Variants in STEAP1B observed in about 807,000 individuals in gnomAD.
The protein encoded by STEAP1B is STEAP family member 1B.
STEAP1B carries 13 observed loss-of-function variants against 27.9 expected under a neutral mutation model. The ratio of observed to expected loss-of-function variants is 0.47; its 90% CI spans 0.30 to 0.74. The LOEUF is 0.74. STEAP1B is among the 30% of genes least tolerant of loss of function. The probability of loss-of-function intolerance (pLI) is 0.06; values close to 1 mark genes in which losing one functional copy is unlikely to be tolerated. For missense variants in STEAP1B, 250 were observed against 298.7 expected, an observed-to-expected ratio of 0.84 and a Z score of 1.20; for synonymous variants, 86 against 107.1, an observed-to-expected ratio of 0.80 and a Z score of 1.22.
intron 4 of STEAP1B, among the ~76,000 whole-genome samples, chr7:22,439,843 C>A (rs924487224): frequency 6.6e-6 from 1 of 151,974 alleles, no homozygotes; most frequent in Admixed American, 6.6e-5. Context: ...TATCCAACCA[C>A]CCTCTACACC....
At chr7:22,450,063 G>A (rs1174307728) in intron 4 of STEAP1B, among the ~76,000 whole-genome samples, 1 of 152,066 alleles carries the variant, frequency 6.6e-6, no homozygotes, top group East Asian at 1.9e-4. Context: ...TAGGTAACTT[G>A]CAAATATTTT....
Position 22,496,189 on chromosome 7 carries a change from A to AG in STEAP1B, c.-31-1304_-31-1303insC, listed in dbSNP as rs1286822271. Among the ~76,000 whole-genome samples, 3 of 2,326 alleles carry AG rather than the reference A, an allele frequency of 1.3e-3. No homozygotes were observed. The African/African-American group carries it at 0.022, about 17-fold the overall frequency. The allele number at this position is 2,326 out of a possible 152,430, so 1.5% of individuals were successfully genotyped here. A position where few individuals can be genotyped will look rare whatever the true frequency, so the allele number is the denominator to read the frequency against. The stretch of plus-strand genomic sequence containing the variant: ...AGTTTCAACAAAAAAGTCTAAAAAG[A>AG]AAAAAAATTAGAAATAGAAAAAAAG... On this transcript the variant is annotated intron_variant, in intron 1 of 4. Transcript: ENST00000678116.
At chr7:22,486,692 C>A (rs1007055755) in intron 4 of STEAP1B, among the ~76,000 whole-genome samples, 1 of 152,110 alleles carries the variant, frequency 6.6e-6, no homozygotes, top group Non-Finnish European at 1.5e-5. Flanking sequence ...TCCTGCCCAC[C>A]TTTCACCCTG....
At chr7:22,449,904 G>A (rs898408070) in intron 4 of STEAP1B, among the ~76,000 whole-genome samples, 29 of 152,152 alleles carry the variant, frequency 1.9e-4, no homozygotes, top group Admixed American at 1.4e-3. Flanking sequence ...CAGTGATGTC[G>A]AGCACCTTTT....
chr7:22,498,420 A>G (rs191369835), intron 1 of STEAP1B, among the ~76,000 whole-genome samples: 58 of 152,330 alleles, frequency 3.8e-4, no homozygotes, highest in Admixed American at 1.2e-3. Flanking sequence ...TAGGAATGGA[A>G]GTGTCACCTA....
At chr7:22,472,331 C>T (rs1039256260) in intron 4 of STEAP1B, among the ~76,000 whole-genome samples, 1 of 152,152 alleles carries the variant, frequency 6.6e-6, no homozygotes, top group Non-Finnish European at 1.5e-5. Context: ...TGCACTTGTG[C>T]CTTAATCCCA....
At chr7:22,451,014 G>A (rs1446454550) in intron 4 of STEAP1B, among the ~76,000 whole-genome samples, 1 of 152,062 alleles carries the variant, frequency 6.6e-6, no homozygotes, top group Non-Finnish European at 1.5e-5. Flanking sequence ...GGCTAACATG[G>A]TGAAACCTTG....
At chr7:22,460,078 G>C (rs577785554) in intron 4 of STEAP1B, among the ~76,000 whole-genome samples, 2 of 152,090 alleles carry the variant, frequency 1.3e-5, no homozygotes, top group Non-Finnish European at 2.9e-5. Flanking sequence ...GGGAGGTCAA[G>C]GTGGGAGGAC....
chr7:22,438,506 T>A, intron 4 of STEAP1B: 7 of 1,550,544 alleles, frequency 4.5e-6, no homozygotes, highest in Non-Finnish European at 6.1e-6. Context: ...TGAAAGATGA[T>A]CAGCAATAAC....
intron 4 of STEAP1B, among the ~76,000 whole-genome samples, chr7:22,451,764 T>C (rs545604428): frequency 6.6e-6 from 1 of 152,264 alleles, no homozygotes; most frequent in Non-Finnish European, 1.5e-5. Context: ...ATTTTTCTAA[T>C]ATATTGTTGA....
At chr7:22,456,974 T>TATATATATATATA (rs1562573770) in intron 4 of STEAP1B, among the ~76,000 whole-genome samples, 1 of 50,240 alleles carries the variant, frequency 2.0e-5, no homozygotes, top group African/African-American at 8.8e-5. Flanking sequence ...ATATATATAT[T>TATATATATATATA]TTTTTTTTTT....
At chr7:22,480,643 T>C (rs1786052921) in intron 4 of STEAP1B, among the ~76,000 whole-genome samples, 1 of 152,226 alleles carries the variant, frequency 6.6e-6, no homozygotes, top group African/African-American at 2.4e-5. Context: ...GCACACTGTC[T>C]ATACCAAACA....
chr7:22,438,995 T>C (rs1785292088), intron 4 of STEAP1B, among the ~76,000 whole-genome samples: 1 of 152,184 alleles, frequency 6.6e-6, no homozygotes, highest in East Asian at 1.9e-4. Flanking sequence ...TGAATTTCCA[T>C]GTAATAAGAA....
At chr7:22,428,565 A>C (rs1785138504) in intron 4 of STEAP1B, among the ~76,000 whole-genome samples, 1 of 152,192 alleles carries the variant, frequency 6.6e-6, no homozygotes, top group Non-Finnish European at 1.5e-5. Context: ...TAATGTACCA[A>C]ACGGAGACAA....
At chr7:22,441,087 AGTTTT>A (rs975510686) in intron 4 of STEAP1B, among the ~76,000 whole-genome samples, 3 of 151,300 alleles carry the variant, frequency 2.0e-5, no homozygotes, top group African/African-American at 7.3e-5. Flanking sequence ...CTTTAAAAAG[AGTTTT>A]ATTTTTATAT....
At chr7:22,439,724 A>G (rs1292901493) in intron 4 of STEAP1B, among the ~76,000 whole-genome samples, 1 of 152,232 alleles carries the variant, frequency 6.6e-6, no homozygotes, top group Non-Finnish European at 1.5e-5. Flanking sequence ...ATCCACTGTG[A>G]TTGATATTCC....
At chr7:22,454,335 C>A (rs1785536236) in intron 4 of STEAP1B, among the ~76,000 whole-genome samples, 1 of 152,120 alleles carries the variant, frequency 6.6e-6, no homozygotes, top group Admixed American at 6.6e-5. Context: ...TTGGAGAGTG[C>A]ATAGCCATTG....
intron 4 of STEAP1B, among the ~76,000 whole-genome samples, chr7:22,463,697 C>G (rs1242139275): frequency 6.6e-6 from 1 of 151,524 alleles, no homozygotes; most frequent in Non-Finnish European, 1.5e-5. Context: ...GAAAAACAAG[C>G]AATGGGGAAA....
rs200208526 is a variant in STEAP1B at position 22,493,306 on chromosome 7, A to T, written c.597+18T>A. ...CTTAGACTTTTTATTAGTAACAGTG[A>T]CATCATTGTCATCTCACCTGTTGAT... On this transcript the variant is annotated intron_variant, in intron 3 of 4. Coordinates refer to ENST00000678116, the MANE Select transcript of STEAP1B (RefSeq NM_001382447.1). The T allele has an allele frequency of 0.07, 107,412 of 1,534,244 alleles. 5,724 individuals are homozygous for T. Among genetic ancestry groups the T allele is most frequent in the African/African-American group, 0.12 (8,936 of 72,440 alleles).
Sources: allele counts gnomAD v4.1 joint callset (sites outside exome capture counted in the v4.1 genomes callset), GRCh38; gene constraint gnomAD v4.1.1; transcripts MANE v1.5; gene names NCBI Gene and HGNC (gene_info 2026-07-23, HGNC 2026-07-21).